Variants in IQCN observed in about 807,000 individuals in gnomAD.
The protein encoded by IQCN is IQ motif containing N, also known as IQ domain-containing protein N.
In IQCN, 46 loss-of-function variants were observed where a neutral mutation model predicts 64.4. The ratio of observed to expected loss-of-function variants is 0.71; its 90% CI spans 0.56 to 0.91. IQCN has a LOEUF of 0.91. IQCN is among the 40% of genes least tolerant of loss of function. The pLI, the probability that IQCN is intolerant of heterozygous loss-of-function variation, is 0.00. For synonymous variants in IQCN, 733 were observed against 775.6 expected, an observed-to-expected ratio of 0.95 and a Z score of 0.91; for missense variants, 1,753 against 1,857.4, an observed-to-expected ratio of 0.94 and a Z score of 1.03.
Position 18,258,042 on chromosome 19 carries a change from C to A in IQCN, c.3242G>T (p.Gly1081Val), listed in dbSNP as rs1037737745. ...SWNRAWEPAR[G>V]AASWDTWRNK... ...GCGCCAGGTGTCCCAGGACGCAGCA[C>A]CCCTGGCTGGCTCCCATGCGCGGTT... The change falls in exon 4 of 4, where the codon GGT (glycine) becomes GTT (valine). Residue 1081 changes from glycine to valine, a missense_variant. Gly to Val is a moderately radical substitution (Grantham distance 109, BLOSUM62 -3). Transcript: ENST00000392413. The A allele has an allele frequency of 6.2e-7, 1 of 1,612,750 alleles. No individual in the cohort carries two copies. Among genetic ancestry groups the A allele is most frequent in the African/African-American group, 1.3e-5 (1 of 75,058 alleles).
intron 1 of IQCN, among the ~76,000 whole-genome samples, chr19:18,271,287 T>C (rs181762665): frequency 6.6e-6 from 1 of 150,894 alleles, no homozygotes; most frequent in East Asian, 2.0e-4. Flanking sequence ...CTGGCCAACA[T>C]GGTGAAACTC....
chr19:18,264,421 C>A lies in IQCN; in HGVS notation c.3119G>T (p.Arg1040Met). 6.5e-7 allele frequency: 1 copy of A among 1,546,206 alleles called. No individual in the cohort carries two copies. The highest frequency in any genetic ancestry group is 1.2e-5 in the South Asian group (1 of 83,372). The change falls in exon 3 of 4, where the codon AGG becomes ATG. Residue 1040 changes from arginine to methionine, a missense_variant. Arg to Met is a moderately conservative substitution (Grantham distance 91). Transcript: ENST00000392413. This position sits in a 1 kb window ranked among gnomAD's most constrained non-coding sequence, Gnocchi z 4.3. ...GGGCCCCCATGCGGCCGATGGACTC[C>A]TCCTGCAGGCCACCTTCACCAGGGC... ...TPALVKVACRRSPSAAWGPSL... is the reference protein window; with the variant it reads ...TPALVKVACRMSPSAAWGPSL...
At position 18,264,308 on chromosome 19, in the gene IQCN, C is replaced by T. The variant is rs77207395; in HGVS notation, c.3177+55G>A. On this transcript the variant is annotated intron_variant, in intron 3 of 3. Transcript: ENST00000392413. The surrounding 1 kb of genome is among the most constrained non-coding windows in gnomAD (Gnocchi z 4.3). Reference sequence around the variant, plus strand: ...CAATCCCCCATCTCCTCCAAGGGCCCGGCAGGTTGGCCCATGGTGAAACAA... The same window carrying T: ...CAATCCCCCATCTCCTCCAAGGGCCTGGCAGGTTGGCCCATGGTGAAACAA... 36,968 of 1,392,488 alleles carry T rather than the reference C, an allele frequency of 0.027. 1,263 individuals are homozygous for T. The highest frequency in any genetic ancestry group is 0.17 in the African/African-American group (11,490 of 68,932). 86.3% of individuals were successfully genotyped at this position (1,392,488 alleles called of 1,614,324 possible). A position where few individuals can be genotyped will look rare whatever the true frequency, so the allele number is the denominator to read the frequency against.
chr19:18,266,505 C>T lies in IQCN; in HGVS notation c.1035G>A (p.Val345=). The T allele has an allele frequency of 2.5e-6, 4 of 1,604,662 alleles. No individual in the cohort carries two copies. The highest frequency in any genetic ancestry group is 3.4e-6 in the Non-Finnish European group (4 of 1,174,620). ...ITKTLLQTYP[V]VSVTLPQTYP... ...ATGTCTGTGGCAGGGTCACGGAGAC[C>T]ACTGGATATGTCTGGAGTAGAGTCT... The change falls in exon 3 of 4, where the codon GTG becomes GTA. Residue 345 remains valine, a synonymous_variant. Coordinates refer to ENST00000392413, the MANE Select transcript of IQCN (RefSeq NM_001145304.2). The surrounding 1 kb of genome is among the most constrained non-coding windows in gnomAD (Gnocchi z 4.3).
Position 18,265,342 on chromosome 19 carries a change from G to A in IQCN, c.2198C>T (p.Ala733Val), listed in dbSNP as rs372896613. ...CTTGGTCAGACAGGTGGCTAGAGGC[G>A]CTTGGGACTGGACCTTCACGGCACC... ...ATGAVKVQSQ[A>V]PLATCLTKTQ... Residue 733 changes from alanine to valine, a missense_variant, in exon 3 of 4, where the codon GCG becomes GTG. Physicochemically the swap from Ala to Val is moderately conservative, Grantham distance 64. Coordinates refer to ENST00000392413, the MANE Select transcript of IQCN (RefSeq NM_001145304.2). The surrounding 1 kb of genome is among the most constrained non-coding windows in gnomAD (Gnocchi z 4.7). The A allele has an allele frequency of 1.1e-5, 17 of 1,614,042 alleles. No homozygotes were observed. The highest frequency in any genetic ancestry group is 2.7e-5 in the African/African-American group (2 of 74,906).
intron 1 of IQCN, among the ~76,000 whole-genome samples, chr19:18,272,613 CTTTT>C (rs56180429): frequency 7.0e-6 from 1 of 142,766 alleles, no homozygotes; most frequent in African/African-American, 2.6e-5. Flanking sequence ...ATTGTGCTCA[CTTTT>C]TTTTTTTTTT....
At position 18,265,011 on chromosome 19, in the gene IQCN, T is replaced by A; in HGVS notation, c.2529A>T (p.Thr843=). Residue 843 remains threonine, a synonymous_variant, in exon 3 of 4, where the codon ACA becomes ACT. Coordinates refer to ENST00000392413, the MANE Select transcript of IQCN (RefSeq NM_001145304.2). The surrounding 1 kb of genome is among the most constrained non-coding windows in gnomAD (Gnocchi z 4.7). ...VPPMAPTGHS[T]CNVESWGDNG... is the part of the protein sequence containing the mutation. ...TGTCTCCCCAGGACTCAACGTTGCA[T>A]GTGGAATGGCCGGTGGGTGCCATCG... 1 of 1,603,894 alleles carries A rather than the reference T, an allele frequency of 6.2e-7. No homozygotes were observed. Among genetic ancestry groups the A allele is most frequent in the Non-Finnish European group, 8.5e-7 (1 of 1,179,828 alleles).
chr19:18,265,171 C>T lies in IQCN; in HGVS notation c.2369G>A (p.Gly790Asp). 6.2e-7 allele frequency: 1 copy of T among 1,608,918 alleles called. No individual in the cohort carries two copies. Among genetic ancestry groups the T allele is most frequent in the Non-Finnish European group, 8.5e-7 (1 of 1,179,938 alleles). ...VSNHACQRLG[G>D]LSAPPWAKPE... ...CTTGGCCCAGGGTGGGGCGCTGAGG[C>T]CACCGAGGCGCTGGCAGGCGTGGTT... is the stretch of plus-strand genomic sequence containing the variant. The change falls in exon 3 of 4, where the codon GGC becomes GAC. Residue 790 changes from glycine (G) to aspartate (D), a missense_variant. By Grantham distance (94) the Gly-to-Asp change is moderately conservative (BLOSUM62 -1). Coordinates refer to ENST00000392413, the MANE Select transcript of IQCN (RefSeq NM_001145304.2). This position sits in a 1 kb window ranked among gnomAD's most constrained non-coding sequence, Gnocchi z 4.7.
chr19:18,268,834 T>C (rs187179771), intron 2 of IQCN, among the ~76,000 whole-genome samples: 1,633 of 151,840 alleles, frequency 0.011, 85 homozygotes, highest in Admixed American at 0.097. Context: ...TGGTGGCTCG[T>C]GCCTGTAATC....
At chr19:18,263,421 G>A (rs962773078) in intron 3 of IQCN, among the ~76,000 whole-genome samples, 2 of 152,274 alleles carry the variant, frequency 1.3e-5, no homozygotes, top group Middle Eastern at 3.4e-3. Context: ...TAGCTTCTGG[G>A]GGCAGAGCAG....
rs369730278 is a variant in IQCN, at chr19:18,266,582, C to T, written c.958G>A (p.Ala320Thr). ...TGGAAGGGGGCTTTGGGGGTCTCTGCTTTCACAGGGCCCTGGGTTTGGGCT... is the reference window on the plus strand; with the variant it reads ...TGGAAGGGGGCTTTGGGGGTCTCTGTTTTCACAGGGCCCTGGGTTTGGGCT... ...SRAQTQGPVKAETPKAPFQIC... is the reference protein window; with the variant it reads ...SRAQTQGPVKTETPKAPFQIC... Residue 320 changes from alanine (A) to threonine (T), a missense_variant, in exon 3 of 4, where the codon GCA (alanine) becomes ACA (threonine). Ala to Thr is a moderately conservative substitution (Grantham distance 58, BLOSUM62 0). Coordinates refer to ENST00000392413, the MANE Select transcript of IQCN (RefSeq NM_001145304.2). The surrounding 1 kb of genome is among the most constrained non-coding windows in gnomAD (Gnocchi z 4.3). 6.2e-7 allele frequency: 1 copy of T among 1,613,476 alleles called. No homozygotes were observed. The highest frequency in any genetic ancestry group is 8.5e-7 in the Non-Finnish European group (1 of 1,179,644).
At chr19:18,272,626 T>A (rs1330117247) in intron 1 of IQCN, among the ~76,000 whole-genome samples, 1 of 151,676 alleles carries the variant, frequency 6.6e-6, no homozygotes, top group Non-Finnish European at 1.5e-5. Context: ...TTTTTTTTTT[T>A]TTGAGACGGA....
intron 3 of IQCN, among the ~76,000 whole-genome samples, chr19:18,263,049 G>A (rs774432230): frequency 3.3e-5 from 5 of 152,186 alleles, no homozygotes; most frequent in African/African-American, 4.8e-5. Context: ...CACTTTCTCC[G>A]AGGCTGGAGT....
rs757947773 is a variant in IQCN, at chr19:18,257,389, G to A, written c.3895C>T (p.Arg1299Cys). ...ATGGCTGTGGCCGCTTTGTCCTGGC[G>A]ATGCGGCTGCCTGGGACTCAGGGCA... ...LAALSPRQPH[R>C]QDKAATAIQS... is the part of the protein sequence containing the mutation. The change falls in exon 4 of 4, where the codon CGC becomes TGC. Residue 1299 changes from arginine (R) to cysteine (C), a missense_variant. By Grantham distance (180) the Arg-to-Cys change is radical. Transcript: ENST00000392413. 33 of 1,611,184 alleles carry A rather than the reference G, an allele frequency of 2.0e-5. No homozygotes were observed. Among genetic ancestry groups the A allele is most frequent in the African/African-American group, 6.7e-5 (5 of 74,946 alleles).
chr19:18,271,195 C>T (rs928206394), intron 1 of IQCN, among the ~76,000 whole-genome samples: 4 of 143,934 alleles, frequency 2.8e-5, no homozygotes, highest in African/African-American at 7.9e-5. Context: ...AAAAACCAGG[C>T]GCAGTGGCTC....
At chr19:18,259,015 A>G (rs1969375399) in intron 3 of IQCN, 1 of 157,790 alleles carries the variant, frequency 6.3e-6, no homozygotes, top group Non-Finnish European at 1.4e-5. Flanking sequence ...CATTGGATCC[A>G]CTTGATCCTG....
chr19:18,269,985 G>A (rs1568282936), intron 1 of IQCN, among the ~76,000 whole-genome samples: 1 of 144,096 alleles, frequency 6.9e-6, no homozygotes, highest in South Asian at 2.3e-4. Context: ...GGGAGGCCAA[G>A]ATGGGAGGAT....
intron 3 of IQCN, chr19:18,261,296 G>C (rs1250222554): frequency 1.3e-5 from 2 of 153,276 alleles, no homozygotes; most frequent in Non-Finnish European, 2.9e-5. Context: ...GCTGGGCCAG[G>C]CTTGGAGACT....
At position 18,265,081 on chromosome 19, in the gene IQCN, C is replaced by T. The variant is rs772889466; in HGVS notation, c.2459G>A (p.Gly820Glu). 2 of 1,601,462 alleles carry T rather than the reference C, an allele frequency of 1.2e-6. No homozygotes were observed. Among genetic ancestry groups the T allele is most frequent in the Admixed American group, 1.7e-5 (1 of 59,988 alleles). ...GACCTCACAGGCTGCCGGGCATGGT[C>T]CCCCCTGAGTGGTCTTCCCCGGCAC... ...GHVPGKTTQG[G>E]PCPAACEVQG... Residue 820 changes from glycine (G) to glutamate (E), a missense_variant, in exon 3 of 4, where the codon GGA becomes GAA. Gly to Glu is a moderately conservative substitution (Grantham distance 98, BLOSUM62 -2). Transcript: ENST00000392413. This position sits in a 1 kb window ranked among gnomAD's most constrained non-coding sequence, Gnocchi z 4.7.
Sources: allele counts gnomAD v4.1 joint callset (sites outside exome capture counted in the v4.1 genomes callset), GRCh38; gene constraint gnomAD v4.1.1; non-coding constraint Gnocchi (gnomAD v3.1); transcripts MANE v1.5; gene names NCBI Gene and HGNC (gene_info 2026-07-23, HGNC 2026-07-21).